KCNN2: variants seen among roughly 807,000 people sequenced by gnomAD.
KCNN2 encodes potassium calcium-activated channel subfamily N member 2.
In KCNN2, 24 loss-of-function variants were observed where a neutral mutation model predicts 55.5. That is an observed-to-expected ratio of 0.43 (90% CI 0.31 to 0.61). The LOEUF (loss-of-function observed/expected upper bound fraction) is 0.61, where lower values mean the gene tolerates loss of function less well. Ranked by LOEUF, KCNN2 falls within the 20% of genes least tolerant of loss-of-function variation. The pLI is 0.08. For synonymous variants in KCNN2, 431 were observed against 336.1 expected (o/e 1.28, Z -3.09); for missense variants, 754 against 853.6 (o/e 0.88, Z 1.45).
intron 1 of KCNN2, among the ~76,000 whole-genome samples, chr5:114,133,388 T>A (rs1752109104): frequency 6.6e-6 from 1 of 152,214 alleles, no homozygotes. Context: ...TAGTTGTAAT[T>A]TTTCTTTGCA....
chr5:114,244,239 A>AG (rs1754703588), intron 2 of KCNN2, among the ~76,000 whole-genome samples: 1 of 152,160 alleles, frequency 6.6e-6, no homozygotes, highest in Admixed American at 6.5e-5. Context: ...GCACGCAGTA[A>AG]ACAGACTCCT....
chr5:114,294,028 C>T (rs1228088927), intron 2 of KCNN2, among the ~76,000 whole-genome samples: 8 of 152,198 alleles, frequency 5.3e-5, no homozygotes, highest in East Asian at 3.9e-4. Flanking sequence ...TCTGTGGGAT[C>T]GGTGGTGATA....
chr5:114,338,463 G>A (rs1260728751), intron 2 of KCNN2, among the ~76,000 whole-genome samples: 1 of 152,130 alleles, frequency 6.6e-6, no homozygotes, highest in African/African-American at 2.4e-5. Context: ...TCATTCTCGT[G>A]ACACTCCAGA....
chr5:114,467,763 G>C (rs748692335), intron 4 of KCNN2, among the ~76,000 whole-genome samples: 9 of 152,024 alleles, frequency 5.9e-5, no homozygotes, highest in African/African-American at 4.8e-5. Flanking sequence ...GGAAGTTGTT[G>C]TGACCTTTTA....
chr5:114,424,709 TC>T (rs541879500), intron 3 of KCNN2, among the ~76,000 whole-genome samples: 1 of 152,256 alleles, frequency 6.6e-6, no homozygotes, highest in Admixed American at 6.5e-5. Context: ...AAAGGGTGCA[TC>T]CTTTAATATT....
rs1757011841 is a variant in KCNN2, at chr5:114,341,365, AGGAT to A, written c.-184-19579_-184-19576del. The stretch of plus-strand genomic sequence containing the variant: ...TGGAAGTAAAGGTGCATCTGTAAAA[AGGAT>A]AGCATAGAAAGTTTGTAGGAGCTAG... On this transcript the variant is annotated intron_variant, in intron 2 of 10. Coordinates refer to the KCNN2 transcript ENST00000512097. 2.6e-5 allele frequency among the ~76,000 whole-genome samples: 4 copies of A among 152,354 alleles called. No individual in the cohort carries two copies. In the East Asian group the frequency reaches 5.8e-4, roughly 22 times the overall value.
intron 2 of KCNN2, among the ~76,000 whole-genome samples, chr5:114,364,415 A>C (rs1023435064): frequency 1.3e-5 from 2 of 152,056 alleles, no homozygotes; most frequent in African/African-American, 4.8e-5. Context: ...ATCTTCTGTA[A>C]TTTAGCATAG....
rs139893268 is a variant in KCNN2 at position 114,106,543 on chromosome 5, T to C, written c.-271+50043T>C. On this transcript the variant is annotated intron_variant, in intron 1 of 10. Coordinates refer to the KCNN2 transcript ENST00000512097. ...TAATACTTGGTATTGTTATTCTTGT[T>C]TGTTTTTTTTAAAGCTATTTTAATA... 3.7e-3 allele frequency among the ~76,000 whole-genome samples: 558 copies of C among 152,024 alleles called. 14 individuals carry two copies. The highest frequency in any genetic ancestry group is 8.5e-3 in the South Asian group (41 of 4,820).
chr5:114,103,695 G>C (rs1208099385), intron 1 of KCNN2, among the ~76,000 whole-genome samples: 2 of 152,126 alleles, frequency 1.3e-5, no homozygotes, highest in African/African-American at 4.8e-5. Flanking sequence ...TGTGGTGTTT[G>C]TCATTGTTTC....
intron 3 of KCNN2, among the ~76,000 whole-genome samples, chr5:114,428,353 C>T (rs925665390): frequency 6.6e-6 from 1 of 152,070 alleles, no homozygotes; most frequent in African/African-American, 2.4e-5. Flanking sequence ...ATGGGAATTT[C>T]TAGTTATTCA....
intron 1 of KCNN2, among the ~76,000 whole-genome samples, chr5:114,194,813 A>C (rs1283248834): frequency 6.6e-6 from 1 of 151,596 alleles, no homozygotes; most frequent in African/African-American, 2.4e-5. Context: ...TTATAATTTT[A>C]GCTCTTACAT....
chr5:114,210,447 G>C (rs960002796), intron 1 of KCNN2, among the ~76,000 whole-genome samples: 1 of 152,114 alleles, frequency 6.6e-6, no homozygotes, highest in African/African-American at 2.4e-5. Context: ...TATTCATGGA[G>C]AGTTTATGAA....
intron 2 of KCNN2, among the ~76,000 whole-genome samples, chr5:114,338,576 T>G (rs1756963827): frequency 6.6e-6 from 1 of 152,228 alleles, no homozygotes; most frequent in Non-Finnish European, 1.5e-5. Context: ...AATTCAGGTC[T>G]TCCTTCCTAC....
chr5:114,064,810 T>C (rs1409827633), intron 1 of KCNN2, among the ~76,000 whole-genome samples: 1 of 152,190 alleles, frequency 6.6e-6, no homozygotes, highest in African/African-American at 2.4e-5. Context: ...CCTGTGTTAC[T>C]GTATATTAGA....
chr5:114,163,382 GATT>G (rs1752836947), intron 1 of KCNN2, among the ~76,000 whole-genome samples: 1 of 152,130 alleles, frequency 6.6e-6, no homozygotes, highest in Non-Finnish European at 1.5e-5. Context: ...CTGGGAGAAT[GATT>G]CCAGCTTTTG....
chr5:114,412,024 A>G lies in KCNN2; in HGVS notation c.1637+7168A>G, dbSNP rs568735703. 7.5e-4 allele frequency among the ~76,000 whole-genome samples: 114 copies of G among 152,330 alleles called. 1 individual carries two copies. Among genetic ancestry groups the G allele is most frequent in the African/African-American group, 2.5e-3 (106 of 41,572 alleles). Reference sequence around the variant, plus strand: ...ATCAGTTATGTCTTCTGACATCAGTAGTATGAAGGAGTTGCTAAGGGAAAG... The same window carrying G: ...ATCAGTTATGTCTTCTGACATCAGTGGTATGAAGGAGTTGCTAAGGGAAAG... On this transcript the variant is annotated intron_variant, in intron 3 of 7. Transcript: ENST00000673685.
chr5:114,292,688 T>G (rs2150018519), intron 2 of KCNN2, among the ~76,000 whole-genome samples: 1 of 152,280 alleles, frequency 6.6e-6, no homozygotes, highest in East Asian at 1.9e-4. Flanking sequence ...CTTTTTTGGT[T>G]CCATATGAAG....
intron 3 of KCNN2, among the ~76,000 whole-genome samples, chr5:114,413,265 G>A (rs1427441472): frequency 6.6e-6 from 1 of 152,032 alleles, no homozygotes; most frequent in Non-Finnish European, 1.5e-5. Context: ...TATGCTTCTT[G>A]TTTTGTTTTG....
chr5:114,381,562 C>T (rs1359623008), intron 2 of KCNN2, among the ~76,000 whole-genome samples: 1 of 152,194 alleles, frequency 6.6e-6, no homozygotes, highest in Non-Finnish European at 1.5e-5. Flanking sequence ...TCTGGGCCCG[C>T]TTGTGTCCCT....
Sources: allele counts gnomAD v4.1 joint callset (sites outside exome capture counted in the v4.1 genomes callset), GRCh38; gene constraint gnomAD v4.1.1; transcripts MANE v1.5; gene names NCBI Gene and HGNC (gene_info 2026-07-23, HGNC 2026-07-21).